Variants in USP45 observed in about 807,000 individuals in gnomAD.
USP45 encodes the protein ubiquitin specific peptidase 45, also known as ubiquitin carboxyl-terminal hydrolase 45.
Under a neutral mutation model 95.8 loss-of-function variants are expected in USP45, and 89 were observed. The ratio of observed to expected loss-of-function variants is 0.93; its 90% CI spans 0.78 to 1.11. The LOEUF is 1.11. Among genes scored for constraint, USP45 ranks in the 50% least tolerant of loss-of-function variants. The pLI, the probability that USP45 is intolerant of heterozygous loss-of-function variation, is 0.00. For synonymous variants in USP45, 281 were observed against 316.2 expected, an observed-to-expected ratio of 0.89 and a Z score of 1.18; for missense variants, 898 against 942.5, an observed-to-expected ratio of 0.95 and a Z score of 0.62.
chr6:99,435,969 G>T, intron 17 of USP45, 123 bp from the exon 18 acceptor site: 86 of 911,844 alleles, frequency 9.4e-5, no homozygotes, highest in South Asian at 4.5e-4. Flanking sequence ...TGAGAAGCCT[G>T]TTTTTTCTTG....
At position 99,437,288 on chromosome 6, in the gene USP45, T is replaced by C; in HGVS notation, c.2272A>G (p.Arg758Gly). The change falls in exon 17 of 18, where the codon AGG (arginine) becomes GGG (glycine). Residue 758 changes from arginine to glycine, a missense_variant. By Grantham distance (125) the Arg-to-Gly change is moderately radical. Transcript: ENST00000500704. The part of the protein sequence containing the change: ...TAYVKVRTPS[R>G]KLSEHNTKKK... ...TTAGTGTTATGTTCCGATAATTTCC[T>C]GGAGGGTGTTCTCACTTTCACATAA... The C allele has an allele frequency of 6.2e-7, 1 of 1,612,728 alleles. No homozygotes were observed. Among genetic ancestry groups the C allele is most frequent in the Non-Finnish European group, 8.5e-7 (1 of 1,179,678 alleles).
At chr6:99,466,640 T>C (rs780899635) in intron 11 of USP45, 32 bp downstream of exon 11, 10 of 1,515,042 alleles carry the variant, frequency 6.6e-6, no homozygotes, top group Non-Finnish European at 9.2e-6. Context: ...TTGTAATCCA[T>C]TCCATGCTGA....
chr6:99,510,161 A>G lies in USP45; in HGVS notation c.60T>C (p.Pro20=). The G allele has an allele frequency of 6.2e-7, 1 of 1,613,730 alleles. No individual in the cohort carries two copies. Among genetic ancestry groups the G allele is most frequent in the Non-Finnish European group, 8.5e-7 (1 of 1,179,658 alleles). Residue 20 remains proline (P), a synonymous_variant, in exon 2 of 18, where the codon CCT becomes CCC. Transcript: ENST00000500704. ...AAGAGTCTTCATCATGAGGTACAGT[A>G]GGCCTTTTACTTCTTTTGGCTTTCT... The part of the protein sequence containing the change: ...LPEKAKRSKR[P]TVPHDEDSSD...
chr6:99,492,054 T>A (rs1421166554), intron 5 of USP45, among the ~76,000 whole-genome samples: 2 of 152,234 alleles, frequency 1.3e-5, no homozygotes, highest in Non-Finnish European at 2.9e-5. Flanking sequence ...TTAAAAACCA[T>A]AATATGCAAA....
chr6:99,437,846 CAG>C (rs1318109114), intron 16 of USP45, among the ~76,000 whole-genome samples: 2 of 152,126 alleles, frequency 1.3e-5, no homozygotes, highest in Non-Finnish European at 2.9e-5. Flanking sequence ...TTAGTAGAAA[CAG>C]GGTTTTACCT....
rs564974388 is a variant in USP45, at chr6:99,478,456, G to A, written c.846-2226C>T. 1.4e-3 allele frequency among the ~76,000 whole-genome samples: 214 copies of A among 152,170 alleles called. 4 individuals are homozygous for A. Among genetic ancestry groups the A allele is most frequent in the African/African-American group, 3.9e-3 (162 of 41,542 alleles). On this transcript the variant is annotated intron_variant, in intron 8 of 17. Coordinates refer to ENST00000500704, the MANE Select transcript of USP45 (RefSeq NM_001346022.3). ...TACTTTAGTAAAAGTATTGCCATGA[G>A]AAAGAGGAGAGGACTTTTAAAAACC...
chr6:99,494,508 G>A (rs1180380343), intron 5 of USP45, among the ~76,000 whole-genome samples: 1 of 151,420 alleles, frequency 6.6e-6, no homozygotes, highest in Admixed American at 6.6e-5. Flanking sequence ...ACTTGTCTAA[G>A]AACTTTAAAA....
intron 9 of USP45, among the ~76,000 whole-genome samples, chr6:99,472,220 A>ATT (rs1789586544): frequency 5.6e-5 from 1 of 17,902 alleles, no homozygotes. Context: ...TTCACTTACT[A>ATT]ATTTTTTTTT....
intron 13 of USP45, among the ~76,000 whole-genome samples, chr6:99,460,531 T>C (rs1786177120): frequency 2.0e-5 from 3 of 152,196 alleles, no homozygotes; most frequent in African/African-American, 7.2e-5. Context: ...GTTGCCATTT[T>C]CTCAAATATC....
chr6:99,504,447 A>G, intron 4 of USP45, among the ~76,000 whole-genome samples: 1 of 152,184 alleles, frequency 6.6e-6, no homozygotes, highest in East Asian at 1.9e-4. Context: ...GCCCCAACTT[A>G]CACTTTAAAA....
chr6:99,475,507 G>A (rs577572374), intron 9 of USP45, among the ~76,000 whole-genome samples: 1 of 151,804 alleles, frequency 6.6e-6, no homozygotes, highest in Non-Finnish European at 1.5e-5. Context: ...GTAGAGACAG[G>A]GTTTCAGCAT....
intron 9 of USP45, among the ~76,000 whole-genome samples, chr6:99,471,858 C>T (rs1259625012): frequency 6.6e-6 from 1 of 152,154 alleles, no homozygotes; most frequent in Non-Finnish European, 1.5e-5. Context: ...CCAGGCCAGA[C>T]AATGCAGCTC....
At chr6:99,440,876 T>A (rs1400779579) in intron 15 of USP45, among the ~76,000 whole-genome samples, 1 of 152,204 alleles carries the variant, frequency 6.6e-6, no homozygotes, top group Non-Finnish European at 1.5e-5. Context: ...CTGTCTGAGA[T>A]CATTTCAGCT....
chr6:99,443,722 A>C (rs1310955517), intron 14 of USP45, 60 bp from the exon 15 acceptor site: 4 of 1,121,994 alleles, frequency 3.6e-6, no homozygotes, highest in Non-Finnish European at 4.9e-6. Context: ...TCTACCATAT[A>C]ATAAAAATTT....
chr6:99,502,323 G>C (rs200274205), intron 5 of USP45, among the ~76,000 whole-genome samples: 3 of 152,032 alleles, frequency 2.0e-5, no homozygotes, highest in Non-Finnish European at 1.5e-5. Context: ...ATCCTTTTTT[G>C]CTATATTAAA....
chr6:99,444,660 A>G (rs1276178874), intron 14 of USP45, among the ~76,000 whole-genome samples: 1 of 152,124 alleles, frequency 6.6e-6, no homozygotes, highest in South Asian at 2.1e-4. Context: ...GACAGCTCCT[A>G]TATCCCAGAG....
intron 5 of USP45, among the ~76,000 whole-genome samples, chr6:99,503,364 T>C (rs1409413878): frequency 6.6e-6 from 1 of 151,978 alleles, no homozygotes; most frequent in South Asian, 2.1e-4. Flanking sequence ...TCTTGCTCTG[T>C]TGCCTAGACT....
At chr6:99,473,149 G>A (rs1398592131) in intron 9 of USP45, among the ~76,000 whole-genome samples, 19 of 151,802 alleles carry the variant, frequency 1.3e-4, no homozygotes, top group Admixed American at 1.2e-3. Context: ...AAACTAGCTA[G>A]TATAACATAT....
chr6:99,476,201 T>G lies in USP45; in HGVS notation c.875A>C (p.Gln292Pro). The change falls in exon 9 of 18, where the codon CAG (glutamine) becomes CCG (proline). Residue 292 changes from glutamine to proline, a missense_variant. Coordinates refer to ENST00000500704, the MANE Select transcript of USP45 (RefSeq NM_001346022.3). Reference sequence around the variant, plus strand: ...ATAATGAAGAAGCTCCTGACTGTCCTGTTGCTGGAAATCTTTAAATCGAGG... The same window carrying G: ...ATAATGAAGAAGCTCCTGACTGTCCGGTTGCTGGAAATCTTTAAATCGAGG... ...KAPRFKDFQQQDSQELLHYLL... is the reference protein window; with the variant it reads ...KAPRFKDFQQPDSQELLHYLL... The G allele has an allele frequency of 6.2e-7, 1 of 1,614,094 alleles. No homozygotes were observed. The highest frequency in any genetic ancestry group is 8.5e-7 in the Non-Finnish European group (1 of 1,179,960).
Sources: allele counts gnomAD v4.1 joint callset (sites outside exome capture counted in the v4.1 genomes callset), GRCh38; gene constraint gnomAD v4.1.1; transcripts MANE v1.5; gene names NCBI Gene and HGNC (gene_info 2026-07-23, HGNC 2026-07-21).